The following GPC6 variants were observed in gnomAD, a reference collection of about 807,000 sequenced individuals.
GPC6 encodes the protein glypican-6.
Under a neutral mutation model 55.2 loss-of-function variants are expected in GPC6, and 14 were observed. The observed-to-expected ratio is 0.25, with a 90% CI of 0.17 to 0.40. The LOEUF (loss-of-function observed/expected upper bound fraction) is 0.40, where lower values mean the gene tolerates loss of function less well. GPC6 is among the 10% of genes least tolerant of loss of function. GPC6 has a pLI of 1.00. For missense variants in GPC6, 641 were observed against 708.5 expected, an observed-to-expected ratio of 0.90 and a Z score of 1.08; for synonymous variants, 278 against 259.6, an observed-to-expected ratio of 1.07 and a Z score of -0.68.
chr13:93,386,228 A>G (rs1014953345), intron 1 of GPC6, among the ~76,000 whole-genome samples: 7 of 152,200 alleles, frequency 4.6e-5, no homozygotes, highest in Non-Finnish European at 8.8e-5. Flanking sequence ...TGTCATGGAA[A>G]ATGTATCTGT....
At chr13:94,090,868 A>G (rs527429566) in intron 4 of GPC6, among the ~76,000 whole-genome samples, 1 of 152,232 alleles carries the variant, frequency 6.6e-6, no homozygotes, top group African/African-American at 2.4e-5. Flanking sequence ...CTGCCAATAT[A>G]TTGTAATGTT....
At chr13:93,931,395 A>G (rs1878162685) in intron 3 of GPC6, among the ~76,000 whole-genome samples, 2 of 151,128 alleles carry the variant, frequency 1.3e-5, no homozygotes, top group Non-Finnish European at 2.9e-5. Context: ...TCGGTTCCAA[A>G]TAGCATAGTT....
chr13:93,647,583 G>A (rs1880225843), intron 2 of GPC6, among the ~76,000 whole-genome samples: 1 of 152,152 alleles, frequency 6.6e-6, no homozygotes, highest in Non-Finnish European at 1.5e-5. Flanking sequence ...ACGTGGATGA[G>A]GCTCACATAC....
intron 1 of GPC6, among the ~76,000 whole-genome samples, chr13:93,314,510 G>C (rs144019587): frequency 6.6e-6 from 1 of 152,094 alleles, no homozygotes; most frequent in Non-Finnish European, 1.5e-5. Flanking sequence ...CACTCCAACC[G>C]CCTATAAAAT....
At chr13:94,131,629 G>A (rs1241818628) in intron 4 of GPC6, among the ~76,000 whole-genome samples, 1 of 152,106 alleles carries the variant, frequency 6.6e-6, no homozygotes, top group Non-Finnish European at 1.5e-5. Context: ...TGACTTTAGA[G>A]TTCAAAAACA....
At chr13:93,421,347 T>G (rs1876915723) in intron 1 of GPC6, among the ~76,000 whole-genome samples, 1 of 152,156 alleles carries the variant, frequency 6.6e-6, no homozygotes, top group South Asian at 2.1e-4. Context: ...GAACTTCATT[T>G]TTGTCAAATT....
At chr13:93,818,267 A>C (rs1886932171) in intron 2 of GPC6, among the ~76,000 whole-genome samples, 1 of 151,770 alleles carries the variant, frequency 6.6e-6, no homozygotes, top group Non-Finnish European at 1.5e-5. Context: ...GAACAAGGTA[A>C]ATTTTTTTAT....
chr13:94,185,164 A>C (rs774165337), intron 4 of GPC6, among the ~76,000 whole-genome samples: 1 of 151,386 alleles, frequency 6.6e-6, no homozygotes, highest in Non-Finnish European at 1.5e-5. Flanking sequence ...GAAAGGGGAT[A>C]GGGTCAAAAA....
At chr13:93,442,912 C>T (rs776757416) in intron 1 of GPC6, among the ~76,000 whole-genome samples, 3 of 152,102 alleles carry the variant, frequency 2.0e-5, no homozygotes, top group African/African-American at 7.2e-5. Flanking sequence ...ATTATACCAG[C>T]ATTTCAGTTT....
chr13:94,107,044 G>C (rs1039004548), intron 4 of GPC6, among the ~76,000 whole-genome samples: 8 of 152,134 alleles, frequency 5.3e-5, no homozygotes, highest in Non-Finnish European at 1.0e-4. Flanking sequence ...CCCAACTGTG[G>C]TATCAGATCA....
chr13:93,596,725 A>G (rs533975842), intron 2 of GPC6, among the ~76,000 whole-genome samples: 8 of 148,156 alleles, frequency 5.4e-5, no homozygotes, highest in Non-Finnish European at 1.2e-4. Context: ...CACATATATA[A>G]GTGTATATGC....
chr13:93,688,959 A>C (rs1362071890), intron 2 of GPC6, among the ~76,000 whole-genome samples: 14 of 152,044 alleles, frequency 9.2e-5, no homozygotes, highest in Admixed American at 4.6e-4. Flanking sequence ...ATTTCTAAAA[A>C]TCCTATGAGG....
chr13:93,218,974 G>A, the GPC6 span, among the ~76,000 whole-genome samples: 14 of 152,030 alleles, frequency 9.2e-5, no homozygotes, highest in Non-Finnish European at 1.8e-4. Context: ...TTGTTGGTAT[G>A]TTACCGGACT....
At chr13:93,581,619 A>G (rs918808631) in intron 2 of GPC6, among the ~76,000 whole-genome samples, 3 of 152,180 alleles carry the variant, frequency 2.0e-5, no homozygotes, top group African/African-American at 7.2e-5. Flanking sequence ...AGGTGGGAGA[A>G]TCGCTTGAGC....
intron 2 of GPC6, among the ~76,000 whole-genome samples, chr13:93,656,653 G>A (rs894367021): frequency 4.6e-5 from 7 of 152,056 alleles, no homozygotes; most frequent in Non-Finnish European, 1.0e-4. Context: ...TCTGAACTAG[G>A]GAGAATATAT....
At chr13:93,866,120 G>A (rs1888957453) in intron 3 of GPC6, among the ~76,000 whole-genome samples, 1 of 151,716 alleles carries the variant, frequency 6.6e-6, no homozygotes, top group Admixed American at 6.6e-5. Context: ...CAGGTAAGTG[G>A]TGGGATGATT....
intron 1 of GPC6, among the ~76,000 whole-genome samples, chr13:93,466,798 T>G (rs751611929): frequency 1.3e-5 from 2 of 152,176 alleles, no homozygotes; most frequent in Non-Finnish European, 2.9e-5. Context: ...CATGTGCTGG[T>G]GGAGTACTAC....
intron 3 of GPC6, among the ~76,000 whole-genome samples, chr13:93,863,495 A>G (rs542429574): frequency 1.3e-5 from 2 of 151,832 alleles, no homozygotes; most frequent in South Asian, 2.1e-4. Flanking sequence ...CAAAGGCCTT[A>G]TGTTTTTTCA....
chr13:94,242,172 G>T (rs1891074349), intron 4 of GPC6, among the ~76,000 whole-genome samples: 1 of 151,580 alleles, frequency 6.6e-6, no homozygotes, highest in African/African-American at 2.4e-5. Context: ...TGCGGTGTTT[G>T]GTTTTTTGTC....
Sources: gnomAD v4.1 joint callset for allele counts (sites outside exome capture counted in the v4.1 genomes callset) on GRCh38, gnomAD v4.1.1 for gene constraint, MANE v1.5 for transcripts, NCBI Gene and HGNC (gene_info 2026-07-23, HGNC 2026-07-21) for gene names.